Variants in USP15 observed in about 807,000 individuals in gnomAD.
USP15 encodes ubiquitin specific peptidase 15.
In USP15, 18 loss-of-function variants were observed where a neutral mutation model predicts 127.1. That is an observed-to-expected ratio of 0.14 (90% confidence interval 0.10 to 0.21). The LOEUF is 0.21. Ranked by LOEUF, USP15 falls within the 10% of genes least tolerant of loss-of-function variation. The pLI is 1.00. For synonymous variants in USP15, 364 were observed against 393.7 expected, an observed-to-expected ratio of 0.92 and a Z score of 0.89; for missense variants, 805 against 1,159.9, an observed-to-expected ratio of 0.69 and a Z score of 4.44.
At chr12:62,330,270 T>G (rs1484985051) in intron 6 of USP15, among the ~76,000 whole-genome samples, 6 of 151,954 alleles carry the variant, frequency 3.9e-5, no homozygotes, top group Non-Finnish European at 7.4e-5. Context: ...AGATTCTTTT[T>G]TCTGGATGAA....
chr12:62,392,695 G>A (rs545661886), intron 18 of USP15, among the ~76,000 whole-genome samples: 12 of 152,188 alleles, frequency 7.9e-5, no homozygotes, highest in Admixed American at 2.0e-4. Context: ...TAGGAAAAAT[G>A]TAGTGATATA....
intron 21 of USP15, among the ~76,000 whole-genome samples, chr12:62,403,755 G>A (rs1457201592): frequency 6.6e-6 from 1 of 152,028 alleles, no homozygotes; most frequent in African/African-American, 2.4e-5. Flanking sequence ...AAGATACACA[G>A]TGATGATTGA....
chr12:62,383,570 C>T (rs984216409), intron 9 of USP15, among the ~76,000 whole-genome samples: 3 of 151,924 alleles, frequency 2.0e-5, no homozygotes, highest in Non-Finnish European at 4.4e-5. Context: ...ACAAAGGACA[C>T]TTGTTTATAG....
chr12:62,330,190 C>A (rs1847058514), intron 6 of USP15, among the ~76,000 whole-genome samples: 1 of 151,748 alleles, frequency 6.6e-6, no homozygotes, highest in South Asian at 2.1e-4. Context: ...AAAGAGGAAA[C>A]AAGTTTGAGG....
intron 1 of USP15, among the ~76,000 whole-genome samples, chr12:62,282,525 A>G (rs142385534): frequency 3.0e-4 from 45 of 152,288 alleles, no homozygotes; most frequent in Admixed American, 1.3e-3. Context: ...AGGTGATGAG[A>G]TGACATGAGG....
intron 3 of USP15, among the ~76,000 whole-genome samples, chr12:62,311,954 G>A (rs1332851206): frequency 1.3e-5 from 2 of 151,794 alleles, no homozygotes; most frequent in African/African-American, 4.8e-5. Context: ...TTGTGGTTAT[G>A]TTTGAGTCTT....
intron 8 of USP15, among the ~76,000 whole-genome samples, chr12:62,367,501 C>G (rs1225978412): frequency 6.6e-6 from 1 of 152,016 alleles, no homozygotes; most frequent in Non-Finnish European, 1.5e-5. Context: ...AAATTTCAGA[C>G]TTTTTTATGG....
chr12:62,277,525 C>T (rs2063528006), intron 1 of USP15: 1 of 151,854 alleles, frequency 6.6e-6, no homozygotes, highest in South Asian at 2.1e-4. Context: ...GAACACTTAC[C>T]ATGAATGGAG....
intron 1 of USP15, among the ~76,000 whole-genome samples, chr12:62,265,203 C>G (rs754959437): frequency 1.3e-5 from 2 of 152,114 alleles, no homozygotes; most frequent in Admixed American, 6.5e-5. Flanking sequence ...CCTGTTAGCA[C>G]ATATAAGGCA....
chr12:62,327,807 C>A lies in USP15; in HGVS notation c.683+1874C>A, dbSNP rs890671538. On this transcript the variant is annotated intron_variant, in intron 6 of 21. Coordinates refer to ENST00000280377, the MANE Select transcript of USP15 (RefSeq NM_001252078.2). ...TGCTGTACTAGAGATGACAAAAGTA[C>A]AATTAAGAGTCCTATTTTTCACTGG... is the stretch of plus-strand genomic sequence containing the variant. 8.8e-5 allele frequency: 24 copies of A among 273,660 alleles called. No individual in the cohort carries two copies. The Admixed American group carries it at 1.1e-3, about 13-fold the overall frequency. The allele number at this position is 273,660 out of a possible 1,614,324, so 17.0% of individuals were successfully genotyped here. A position where few individuals can be genotyped will look rare whatever the true frequency, so the allele number is the denominator to read the frequency against.
intron 6 of USP15, among the ~76,000 whole-genome samples, chr12:62,334,835 G>A (rs2065410730): frequency 6.6e-6 from 1 of 152,172 alleles, no homozygotes; most frequent in Non-Finnish European, 1.5e-5. Context: ...TTCCATGAGT[G>A]TTAAATGTTT....
At chr12:62,342,238 G>A (rs568223783) in intron 6 of USP15, among the ~76,000 whole-genome samples, 21 of 151,914 alleles carry the variant, frequency 1.4e-4, no homozygotes, top group Middle Eastern at 3.4e-3. Flanking sequence ...CTGATTTCTC[G>A]TGCTATGTTT....
At chr12:62,272,110 A>T (rs570893751) in intron 1 of USP15, among the ~76,000 whole-genome samples, 1 of 151,970 alleles carries the variant, frequency 6.6e-6, no homozygotes, top group South Asian at 2.1e-4. Flanking sequence ...AGATGCTGCC[A>T]GTATCTCCTT....
chr12:62,359,407 G>A (rs1207631804), intron 8 of USP15, among the ~76,000 whole-genome samples: 2 of 152,094 alleles, frequency 1.3e-5, no homozygotes, highest in East Asian at 3.9e-4. Flanking sequence ...CGTCTGACAA[G>A]AAAATAATAG....
At chr12:62,334,957 C>G (rs1451828758) in intron 6 of USP15, among the ~76,000 whole-genome samples, 1 of 152,130 alleles carries the variant, frequency 6.6e-6, no homozygotes, top group Non-Finnish European at 1.5e-5. Flanking sequence ...AATTCAGATA[C>G]TACAAACTTC....
chr12:62,274,511 T>C (rs1038509814), intron 1 of USP15, among the ~76,000 whole-genome samples: 1 of 151,580 alleles, frequency 6.6e-6, no homozygotes, highest in African/African-American at 2.4e-5. Flanking sequence ...CCGGGTGTGG[T>C]GGTGCTGTCT....
intron 8 of USP15, among the ~76,000 whole-genome samples, chr12:62,358,890 A>C (rs929685080): frequency 1.3e-5 from 2 of 152,194 alleles, no homozygotes; most frequent in African/African-American, 4.8e-5. Context: ...ATTTTATATC[A>C]AGAACTTGAG....
At chr12:62,275,742 G>A (rs183950562) in intron 1 of USP15, among the ~76,000 whole-genome samples, 1 of 152,164 alleles carries the variant, frequency 6.6e-6, no homozygotes, top group East Asian at 1.9e-4. Flanking sequence ...TTATTGGCCT[G>A]GGATTTGAGG....
chr12:62,313,898 G>A (rs1215193305), intron 3 of USP15: 1 of 230,792 alleles, frequency 4.3e-6, no homozygotes, highest in Non-Finnish European at 7.1e-6. Flanking sequence ...TTGAATTGAT[G>A]TAAGCTTGTG....
Sources: allele counts gnomAD v4.1 joint callset (sites outside exome capture counted in the v4.1 genomes callset), GRCh38; gene constraint gnomAD v4.1.1; transcripts MANE v1.5; gene names NCBI Gene and HGNC (gene_info 2026-07-23, HGNC 2026-07-21).